The following STXBP4 variants were observed in gnomAD, a reference collection of about 807,000 sequenced individuals.
STXBP4 encodes syntaxin-binding protein 4.
Under a neutral mutation model 76.1 loss-of-function variants are expected in STXBP4, and 55 were observed. That is an observed-to-expected ratio of 0.72 (90% CI 0.58 to 0.91). The LOEUF is 0.91. STXBP4 is among the 40% of genes least tolerant of loss of function. The pLI is 0.00. For missense variants in STXBP4, 618 were observed against 636.9 expected (o/e 0.97, Z 0.32); for synonymous variants, 201 against 220.2 (o/e 0.91, Z 0.77).
At chr17:55,184,319 T>A in the STXBP4 span, among the ~76,000 whole-genome samples, 5 of 152,206 alleles carry the variant, frequency 3.3e-5, no homozygotes, top group African/African-American at 7.2e-5. Flanking sequence ...TACTATTTTT[T>A]AAAAAGTTAT....
chr17:55,209,329 C>CTTCTCTGT, the STXBP4 span, among the ~76,000 whole-genome samples: 2 of 152,108 alleles, frequency 1.3e-5, no homozygotes, highest in African/African-American at 4.8e-5. Context: ...AAGAGTAGGT[C>CTTCTCTGT]TTCTCTGTTG....
intron 17 of STXBP4, among the ~76,000 whole-genome samples, chr17:55,145,020 A>G (rs1964127071): frequency 1.3e-5 from 2 of 152,350 alleles, no homozygotes; most frequent in South Asian, 2.1e-4. Flanking sequence ...AGCAAAGGTT[A>G]GCCCTCTTCA....
intron 1 of STXBP4, among the ~76,000 whole-genome samples, chr17:54,972,668 G>C (rs548758621): frequency 6.6e-6 from 1 of 152,022 alleles, no homozygotes; most frequent in Non-Finnish European, 1.5e-5. Context: ...AGCCTTCTCT[G>C]CCACGAATTT....
chr17:55,081,828 G>C (rs1324914778), intron 16 of STXBP4, among the ~76,000 whole-genome samples: 3 of 152,042 alleles, frequency 2.0e-5, no homozygotes, highest in African/African-American at 4.8e-5. Flanking sequence ...GTCATCATTG[G>C]GCTAGAAAGA....
At chr17:55,195,200 C>A in the STXBP4 span, among the ~76,000 whole-genome samples, 1 of 152,254 alleles carries the variant, frequency 6.6e-6, no homozygotes, top group Non-Finnish European at 1.5e-5. Context: ...ATCCACCGGG[C>A]AAATTATGCA....
intron 12 of STXBP4, among the ~76,000 whole-genome samples, chr17:55,063,056 C>G (rs962323570): frequency 3.3e-5 from 5 of 152,268 alleles, no homozygotes; most frequent in South Asian, 2.1e-4. Flanking sequence ...GTATTCTCCA[C>G]CATTAAACTA....
intron 8 of STXBP4, among the ~76,000 whole-genome samples, chr17:55,015,487 C>T (rs2078191115): frequency 6.6e-6 from 1 of 152,194 alleles, no homozygotes; most frequent in Non-Finnish European, 1.5e-5. Flanking sequence ...CATTATATCT[C>T]TCCATATCAG....
chr17:55,144,927 C>T (rs1388918532), intron 17 of STXBP4, among the ~76,000 whole-genome samples: 1 of 152,222 alleles, frequency 6.6e-6, no homozygotes, highest in South Asian at 2.1e-4. Context: ...TATATTAGCA[C>T]TTCATAGGGT....
chr17:55,001,200 C>T (rs1478361483), intron 7 of STXBP4, among the ~76,000 whole-genome samples: 2 of 152,068 alleles, frequency 1.3e-5, no homozygotes, highest in African/African-American at 4.8e-5. Flanking sequence ...TTGCCATGTC[C>T]TTTTAGTGCA....
Position 55,167,378 on chromosome 17 carries a change from G to A in STXBP4, c.*7467G>A, listed in dbSNP as rs1266549857. On this transcript the variant is annotated 3_prime_UTR_variant, in exon 18 of 18. Transcript: ENST00000376352. ...TTAGCTGTTTCCTGCTTCTGGCAGGGAAACAAAGATTGAATTAAGAAGGAA... is the reference window on the plus strand; with the variant it reads ...TTAGCTGTTTCCTGCTTCTGGCAGGAAAACAAAGATTGAATTAAGAAGGAA... The A allele has an allele frequency of 6.6e-6, 1 of 152,180 alleles. No individual in the cohort carries two copies. The highest frequency in any genetic ancestry group is 1.5e-5 in the Non-Finnish European group (1 of 68,030). The allele number at this position is 152,180 out of a possible 1,614,324, so 9.4% of individuals were successfully genotyped here.
Position 54,986,011 on chromosome 17 carries a change from A to G in STXBP4, c.-78-131A>G, listed in dbSNP as rs2077621743. The stretch of plus-strand genomic sequence containing the variant: ...AATGCCATAACACAAAATACATACA[A>G]TACATCTAACATCTATATACAGGCT... On this transcript the variant is annotated intron_variant, in intron 2 of 17. Coordinates refer to ENST00000376352, the MANE Select transcript of STXBP4 (RefSeq NM_178509.6). 4 of 546,600 alleles carry G rather than the reference A, an allele frequency of 7.3e-6. No homozygotes were observed. In the South Asian group the frequency reaches 1.0e-4, roughly 14 times the overall value. 33.9% of individuals were successfully genotyped at this position (546,600 alleles called of 1,614,324 possible). A position where few individuals can be genotyped will look rare whatever the true frequency, so the allele number is the denominator to read the frequency against.
intron 8 of STXBP4, among the ~76,000 whole-genome samples, chr17:55,024,555 C>G (rs2078378815): frequency 6.6e-6 from 1 of 152,124 alleles, no homozygotes; most frequent in South Asian, 2.1e-4. Flanking sequence ...GGATATGTAA[C>G]ATTAGCAAGG....
chr17:55,152,910 A>G (rs1427583501), intron 17 of STXBP4, among the ~76,000 whole-genome samples: 2 of 152,302 alleles, frequency 1.3e-5, no homozygotes, highest in Middle Eastern at 3.4e-3. Flanking sequence ...TTTATCTTGT[A>G]AAGCTGAAGA....
intron 16 of STXBP4, among the ~76,000 whole-genome samples, chr17:55,133,573 A>T (rs1044985393): frequency 6.6e-6 from 1 of 152,210 alleles, no homozygotes; most frequent in African/African-American, 2.4e-5. Context: ...GACACAGAGG[A>T]GTTGAAGAAC....
At chr17:54,981,151 T>C (rs1490749781) in intron 1 of STXBP4, among the ~76,000 whole-genome samples, 3 of 120,740 alleles carry the variant, frequency 2.5e-5, no homozygotes, top group East Asian at 4.8e-4. Flanking sequence ...AATAACATCA[T>C]AGATAACAAT....
intron 11 of STXBP4, chr17:55,043,705 G>A (rs1048831502): frequency 4.0e-6 from 6 of 1,491,886 alleles, no homozygotes; most frequent in Non-Finnish European, 5.5e-6. Flanking sequence ...TTTTTCATGT[G>A]CAGGGCTATT....
rs1318178724 is a variant in STXBP4, at chr17:55,081,181, A to ATTG, written c.1489_1489+2dup. The ATTG allele has an allele frequency of 6.8e-7, 1 of 1,462,926 alleles. No individual in the cohort carries two copies. Among genetic ancestry groups the ATTG allele is most frequent in the African/African-American group, 1.5e-5 (1 of 67,704 alleles). The allele number at this position is 1,462,926 out of a possible 1,614,324, so 90.6% of individuals were successfully genotyped here. The stretch of plus-strand genomic sequence containing the variant: ...TCTGTTCGTGCCTTACTTGATATGG[A>ATTG]TTGTAAGTTTTCTGCATTTTTTCAC... On this transcript the variant is annotated inframe_insertion and splice_region_variant, in exon 16 of 18. Coordinates refer to ENST00000376352, the MANE Select transcript of STXBP4 (RefSeq NM_178509.6).
rs1486784737 is a variant in STXBP4, at chr17:55,084,701, G to T, written c.1489+3518G>T. Among the ~76,000 whole-genome samples the T allele has an allele frequency of 3.3e-5, 5 of 151,958 alleles. No individual in the cohort carries two copies. In the East Asian group the frequency reaches 7.8e-4, roughly 24 times the overall value. ...ATCCAGTTTCAGCTTTCTACATATG[G>T]CTAGCCAGTTTTCCCAGCACCATTT... On this transcript the variant is annotated intron_variant, in intron 16 of 17. Transcript: ENST00000376352.
chr17:55,099,608 A>G (rs966892409), intron 16 of STXBP4, among the ~76,000 whole-genome samples: 2 of 152,230 alleles, frequency 1.3e-5, no homozygotes, highest in Non-Finnish European at 2.9e-5. Flanking sequence ...GTGGTCTGTC[A>G]TTGACTGAAA....
Sources: allele counts gnomAD v4.1 joint callset (sites outside exome capture counted in the v4.1 genomes callset), GRCh38; gene constraint gnomAD v4.1.1; transcripts MANE v1.5; gene names NCBI Gene and HGNC (gene_info 2026-07-23, HGNC 2026-07-21).